The following TMEM178B variants were observed in gnomAD, a reference collection of about 807,000 sequenced individuals.
TMEM178B encodes transmembrane protein 178B.
In TMEM178B, 5 loss-of-function variants were observed where a neutral mutation model predicts 31.0. The ratio of observed to expected loss-of-function variants is 0.16; its 90% CI spans 0.08 to 0.34. The LOEUF (loss-of-function observed/expected upper bound fraction) is 0.34, where lower values mean the gene tolerates loss of function less well. Ranked by LOEUF, TMEM178B falls within the 10% of genes least tolerant of loss-of-function variation. TMEM178B has a pLI of 1.00. For missense variants in TMEM178B, 275 were observed against 400.3 expected (o/e 0.69, Z 2.67); for synonymous variants, 164 against 164.0 (o/e 1.00, Z 0.00).
chr7:141,464,480 C>A (rs1259921357), intron 3 of TMEM178B, among the ~76,000 whole-genome samples: 1 of 152,152 alleles, frequency 6.6e-6, no homozygotes, highest in East Asian at 1.9e-4. Context: ...TTCACTTCAT[C>A]TTCAACTTTT....
At chr7:141,316,662 G>A (rs1322575087) in intron 2 of TMEM178B, among the ~76,000 whole-genome samples, 1 of 152,164 alleles carries the variant, frequency 6.6e-6, no homozygotes, top group African/African-American at 2.4e-5. Flanking sequence ...TACCTACTAA[G>A]GGCTGAGGAC....
the TMEM178B span, among the ~76,000 whole-genome samples, chr7:141,508,677 C>G: frequency 6.6e-6 from 1 of 152,176 alleles, no homozygotes; most frequent in Non-Finnish European, 1.5e-5. Context: ...TACATGGTGG[C>G]AGCAAGAGTA....
At chr7:141,243,676 C>T (rs1797680324) in intron 2 of TMEM178B, among the ~76,000 whole-genome samples, 1 of 152,090 alleles carries the variant, frequency 6.6e-6, no homozygotes, top group East Asian at 1.9e-4. Flanking sequence ...ACTGTACTGG[C>T]CCATGGGCCC....
chr7:141,382,739 A>AG (rs1300437129), intron 2 of TMEM178B, among the ~76,000 whole-genome samples: 2 of 152,212 alleles, frequency 1.3e-5, no homozygotes, highest in African/African-American at 4.8e-5. Context: ...GTAATGACAA[A>AG]GAGAAAACAA....
chr7:141,287,162 G>A (rs1039958492), intron 2 of TMEM178B, among the ~76,000 whole-genome samples: 5 of 151,914 alleles, frequency 3.3e-5, no homozygotes, highest in African/African-American at 1.2e-4. Context: ...TTCATAGATG[G>A]TGTGAAATGA....
rs1461159951 is a variant in TMEM178B, at chr7:141,074,722, C to T, written c.382+30C>T. ...GCGCCGGGCGCAAGGCGTGGCGCTG[C>T]GGAGAGCCCGGCGCCTTTAGGCCCC... On this transcript the variant is annotated intron_variant, in intron 1 of 3. Coordinates refer to ENST00000565468, the MANE Select transcript of TMEM178B (RefSeq NM_001195278.2). The surrounding 1 kb of genome is among the most constrained non-coding windows in gnomAD (Gnocchi z 5.1). 1 of 1,448,626 alleles carries T rather than the reference C, an allele frequency of 6.9e-7. No homozygotes were observed. The highest frequency in any genetic ancestry group is 9.0e-7 in the Non-Finnish European group (1 of 1,106,094). The allele number at this position is 1,448,626 out of a possible 1,614,324, so 89.7% of individuals were successfully genotyped here. A position where few individuals can be genotyped will look rare whatever the true frequency, so the allele number is the denominator to read the frequency against.
intron 2 of TMEM178B, among the ~76,000 whole-genome samples, chr7:141,378,825 A>G (rs1257620317): frequency 6.6e-6 from 1 of 152,262 alleles, no homozygotes; most frequent in Non-Finnish European, 1.5e-5. Flanking sequence ...GAGTGAAAGA[A>G]AACTGCCAGC....
At chr7:141,241,041 G>A (rs1797609692) in intron 2 of TMEM178B, among the ~76,000 whole-genome samples, 1 of 150,298 alleles carries the variant, frequency 6.7e-6, no homozygotes, top group Non-Finnish European at 1.5e-5. Context: ...TGGGGTACAA[G>A]CGTTTTTTTT....
At chr7:141,341,103 C>T (rs1306895957) in intron 2 of TMEM178B, among the ~76,000 whole-genome samples, 1 of 152,212 alleles carries the variant, frequency 6.6e-6, no homozygotes, top group African/African-American at 2.4e-5. Flanking sequence ...CTTCTACCTT[C>T]TTCCTCAACC....
intron 2 of TMEM178B, among the ~76,000 whole-genome samples, chr7:141,392,563 A>G (rs558076658): frequency 6.6e-6 from 1 of 152,298 alleles, no homozygotes; most frequent in South Asian, 2.1e-4. Flanking sequence ...ATCACATCCA[A>G]CAAAGTGAAC....
intron 1 of TMEM178B, among the ~76,000 whole-genome samples, chr7:141,208,737 G>A (rs1018229995): frequency 1.2e-4 from 18 of 152,194 alleles, no homozygotes; most frequent in Admixed American, 5.9e-4. Flanking sequence ...GCTGGGCTGC[G>A]GTTGGAGGAG....
intron 1 of TMEM178B, among the ~76,000 whole-genome samples, chr7:141,189,315 C>T (rs959054842): frequency 3.3e-5 from 5 of 152,218 alleles, no homozygotes; most frequent in Non-Finnish European, 7.3e-5. Context: ...CAGGGGCACC[C>T]AGAGTAGAGG....
chr7:141,192,212 G>A (rs774630282), intron 1 of TMEM178B, among the ~76,000 whole-genome samples: 3 of 152,198 alleles, frequency 2.0e-5, no homozygotes, highest in Non-Finnish European at 2.9e-5. Context: ...GAGAGGCAGA[G>A]CCCTACTGGG....
chr7:141,158,316 G>T (rs1323787674), intron 1 of TMEM178B, among the ~76,000 whole-genome samples: 1 of 152,064 alleles, frequency 6.6e-6, no homozygotes, highest in African/African-American at 2.4e-5. Context: ...GGCTGCTCTC[G>T]AACTCCTGAC....
At chr7:141,290,916 C>T (rs941179856) in intron 2 of TMEM178B, among the ~76,000 whole-genome samples, 2 of 152,176 alleles carry the variant, frequency 1.3e-5, no homozygotes, top group Admixed American at 6.5e-5. Flanking sequence ...CACTTTATTC[C>T]GAAATAAAGT....
Position 141,074,394 on chromosome 7 carries a change from G to T in TMEM178B, c.84G>T (p.Ser28=), listed in dbSNP as rs1330030583. 5 of 1,536,144 alleles carry T rather than the reference G, an allele frequency of 3.3e-6. No homozygotes were observed. The South Asian group carries it at 4.8e-5, about 15-fold the overall frequency. The stretch of plus-strand genomic sequence containing the variant: ...GCATGCTGGCCGTGGCCATCTGCTC[G>T]GACCACTGGTACGAGACGGACGCCA... ...ALGMLAVAIC[S]DHWYETDARK... Residue 28 remains serine (S), a synonymous_variant, in exon 1 of 4, where the codon TCG becomes TCT. Transcript: ENST00000565468. The surrounding 1 kb of genome is among the most constrained non-coding windows in gnomAD (Gnocchi z 5.1).
chr7:141,319,579 G>T (rs1251388858), intron 2 of TMEM178B, among the ~76,000 whole-genome samples: 1 of 152,064 alleles, frequency 6.6e-6, no homozygotes, highest in Non-Finnish European at 1.5e-5. Context: ...TTGAGACGGA[G>T]TCTCACTCTA....
At chr7:141,203,399 T>C (rs956544204) in intron 1 of TMEM178B, among the ~76,000 whole-genome samples, 4 of 152,200 alleles carry the variant, frequency 2.6e-5, no homozygotes, top group Non-Finnish European at 5.9e-5. Flanking sequence ...GGCCAGCATG[T>C]GCCACTTGGA....
chr7:141,371,882 A>G (rs1800123566), intron 2 of TMEM178B, among the ~76,000 whole-genome samples: 1 of 152,126 alleles, frequency 6.6e-6, no homozygotes, highest in African/African-American at 2.4e-5. Flanking sequence ...TACTAAAGAC[A>G]TTGCTCTACC....
Sources: gnomAD v4.1 joint callset for allele counts (sites outside exome capture counted in the v4.1 genomes callset) on GRCh38, gnomAD v4.1.1 for gene constraint, Gnocchi (gnomAD v3.1) non-coding constraint, MANE v1.5 for transcripts, NCBI Gene and HGNC (gene_info 2026-07-23, HGNC 2026-07-21) for gene names.